PPP6R3: variants seen among roughly 807,000 people sequenced by gnomAD.
The protein encoded by PPP6R3 is serine/threonine-protein phosphatase 6 regulatory subunit 3.
In PPP6R3, 38 loss-of-function variants were observed where a neutral mutation model predicts 110.7. The observed-to-expected ratio is 0.34, with a 90% CI of 0.26 to 0.45. The LOEUF is 0.45. Ranked by LOEUF, PPP6R3 falls within the 20% of genes least tolerant of loss-of-function variation. PPP6R3 has a pLI of 1.00. For synonymous variants in PPP6R3, 369 were observed against 373.5 expected, an observed-to-expected ratio of 0.99 and a Z score of 0.14; for missense variants, 870 against 1,062.4, an observed-to-expected ratio of 0.82 and a Z score of 2.52.
chr11:68,537,471 T>C (rs2099276860), intron 2 of PPP6R3, among the ~76,000 whole-genome samples, 188 bp from the exon 3 acceptor site: 1 of 152,202 alleles, frequency 6.6e-6, no homozygotes, highest in Admixed American at 6.5e-5. Flanking sequence ...AAATATTTTC[T>C]TTTCTGAGAA....
chr11:68,544,822 T>C lies in PPP6R3; in HGVS notation c.228-16T>C. The C allele has an allele frequency of 6.5e-7, 1 of 1,534,850 alleles. No individual in the cohort carries two copies. Among genetic ancestry groups the C allele is most frequent in the Non-Finnish European group, 9.0e-7 (1 of 1,115,836 alleles). ...CTGTTAATAAAGATGATGATGTAAA[T>C]ATCCTGTTCTTCTAGGTATCCAAAT... is the stretch of plus-strand genomic sequence containing the variant. On this transcript the variant is annotated splice_polypyrimidine_tract_variant and intron_variant, in intron 3 of 23. Transcript: ENST00000393800.
chr11:68,517,438 T>C (rs1443909073), intron 1 of PPP6R3, among the ~76,000 whole-genome samples: 1 of 152,210 alleles, frequency 6.6e-6, no homozygotes, highest in Non-Finnish European at 1.5e-5. Flanking sequence ...ACCTTCATTT[T>C]AAATTACATC....
chr11:68,564,317 T>A lies in PPP6R3; in HGVS notation c.860T>A (p.Ile287Lys). Residue 287 changes from isoleucine to lysine, a missense_variant, in exon 9 of 24, where the codon ATA (isoleucine) becomes AAA (lysine). Coordinates refer to ENST00000393800, the MANE Select transcript of PPP6R3 (RefSeq NM_001164161.2). ...TTTGTTTCAAGATTTGAAGGCCATATAGAGATCTGCCCACCAGGCATGAGC... is the reference window on the plus strand; with the variant it reads ...TTTGTTTCAAGATTTGAAGGCCATAAAGAGATCTGCCCACCAGGCATGAGC... ...ETRRPTFEGHIEICPPGMSHS... is the reference protein window; with the variant it reads ...ETRRPTFEGHKEICPPGMSHS... 6.2e-7 allele frequency: 1 copy of A among 1,611,804 alleles called. No individual in the cohort carries two copies. Among genetic ancestry groups the A allele is most frequent in the South Asian group, 1.1e-5 (1 of 90,930 alleles).
At chr11:68,601,790 G>C in intron 20 of PPP6R3, 73 bp from the exon 21 acceptor site, 1 of 1,257,494 alleles carries the variant, frequency 8.0e-7, no homozygotes, top group Non-Finnish European at 1.1e-6. Flanking sequence ...ACTTGTAAAG[G>C]CTTATTGTGA....
intron 9 of PPP6R3, among the ~76,000 whole-genome samples, chr11:68,566,237 G>A (rs1016804873): frequency 6.6e-6 from 1 of 151,152 alleles, no homozygotes; most frequent in Non-Finnish European, 1.5e-5. Context: ...CCACCACCAC[G>A]GCTGCTGCTG....
intron 15 of PPP6R3, chr11:68,587,496 T>G: frequency 5.1e-6 from 1 of 196,032 alleles, no homozygotes; most frequent in Non-Finnish European, 1.1e-5. Flanking sequence ...CTGTAGTAGA[T>G]TGGGGGTGGA....
intron 1 of PPP6R3, among the ~76,000 whole-genome samples, chr11:68,516,560 C>G (rs2099138025): frequency 1.3e-5 from 2 of 152,206 alleles, no homozygotes; most frequent in African/African-American, 4.8e-5. Flanking sequence ...AGGGGATACT[C>G]CGTCTCTACC....
chr11:68,603,476 A>T lies in PPP6R3; in HGVS notation c.2434A>T (p.Thr812Ser). Residue 812 changes from threonine (T) to serine (S), a missense_variant, in exon 22 of 24, where the codon ACT becomes TCT. Transcript: ENST00000393800. ...LSLTVDAKTE[T>S]AVFKSEEGKL... The stretch of plus-strand genomic sequence containing the variant: ...CCTCACTGTAGATGCCAAGACAGAG[A>T]CTGCGGTCTTCAAAAGGTAACCAGG... 1 of 1,614,166 alleles carries T rather than the reference A, an allele frequency of 6.2e-7. No homozygotes were observed. Among genetic ancestry groups the T allele is most frequent in the Non-Finnish European group, 8.5e-7 (1 of 1,180,002 alleles).
chr11:68,542,433 A>G (rs1376740151), intron 3 of PPP6R3, among the ~76,000 whole-genome samples: 1 of 108,192 alleles, frequency 9.2e-6, no homozygotes, highest in African/African-American at 3.7e-5. Context: ...TTGCTCTGTC[A>G]TCCAGGCTGG....
At chr11:68,600,598 G>A (rs2099628870) in intron 20 of PPP6R3, 104 bp downstream of exon 20, 1 of 1,301,290 alleles carries the variant, frequency 7.7e-7, no homozygotes, top group East Asian at 2.4e-5. Flanking sequence ...CTTCCAAGTT[G>A]AATATACTGC....
At chr11:68,605,292 G>T (rs1434409721) in intron 22 of PPP6R3, among the ~76,000 whole-genome samples, 2 of 152,138 alleles carry the variant, frequency 1.3e-5, no homozygotes, top group Non-Finnish European at 2.9e-5. Context: ...CAGCCTGGGG[G>T]ACAAAATGAG....
chr11:68,468,699 A>G (rs1231612550), intron 1 of PPP6R3, among the ~76,000 whole-genome samples: 1 of 152,214 alleles, frequency 6.6e-6, no homozygotes, highest in Non-Finnish European at 1.5e-5. Context: ...TAGTGTTGAT[A>G]TGCAAATTTT....
intron 15 of PPP6R3, 43 bp from the exon 16 acceptor site, chr11:68,587,884 A>T: frequency 6.8e-7 from 1 of 1,472,886 alleles, no homozygotes; most frequent in Non-Finnish European, 9.5e-7. Flanking sequence ...GTAGAATATC[A>T]TTAGAATCAT....
rs1944885686 is a variant in PPP6R3, at chr11:68,614,708, T to C, written c.*1591T>C. 6.5e-7 allele frequency: 1 copy of C among 1,533,962 alleles called. No individual in the cohort carries two copies. The highest frequency in any genetic ancestry group is 8.8e-7 in the Non-Finnish European group (1 of 1,139,348). On this transcript the variant is annotated 3_prime_UTR_variant, in exon 24 of 24. Transcript: ENST00000393800. ...GGGACAGGTGGCAAGGGTGGGTCCC[T>C]TGACCTTTGCACGCCTCCTCAGGAA... is the stretch of plus-strand genomic sequence containing the variant.
chr11:68,535,449 C>T (rs984633790), intron 2 of PPP6R3: 3 of 152,200 alleles, frequency 2.0e-5, no homozygotes, highest in African/African-American at 7.2e-5. Flanking sequence ...ACATCGACTC[C>T]TCTTGTAAGA....
At chr11:68,584,061 CAG>C (rs2099570633) in intron 15 of PPP6R3, among the ~76,000 whole-genome samples, 1 of 152,198 alleles carries the variant, frequency 6.6e-6, no homozygotes, top group African/African-American at 2.4e-5. Context: ...AATACTCAGA[CAG>C]TTTAGAGTTT....
At chr11:68,485,880 G>A (rs757423461) in intron 1 of PPP6R3, among the ~76,000 whole-genome samples, 1 of 151,966 alleles carries the variant, frequency 6.6e-6, no homozygotes, top group Non-Finnish European at 1.5e-5. Context: ...GATTATTAAA[G>A]CAGCCTTGGC....
At chr11:68,572,981 T>C (rs2153792296) in intron 12 of PPP6R3, among the ~76,000 whole-genome samples, 1 of 151,120 alleles carries the variant, frequency 6.6e-6, no homozygotes, top group South Asian at 2.1e-4. Flanking sequence ...AAGGCTTTTC[T>C]CTCTCTAAGC....
At chr11:68,493,453 G>A (rs1167893886) in intron 1 of PPP6R3, among the ~76,000 whole-genome samples, 1 of 151,334 alleles carries the variant, frequency 6.6e-6, no homozygotes, top group Non-Finnish European at 1.5e-5. Flanking sequence ...ATTTTTTAGA[G>A]ACAGAGTCTT....
Sources: allele counts gnomAD v4.1 joint callset (sites outside exome capture counted in the v4.1 genomes callset), GRCh38; gene constraint gnomAD v4.1.1; transcripts MANE v1.5; gene names NCBI Gene and HGNC (gene_info 2026-07-23, HGNC 2026-07-21).